TTC7B: variants seen among roughly 807,000 people sequenced by gnomAD.
TTC7B encodes tetratricopeptide repeat protein 7B.
TTC7B carries 28 observed loss-of-function variants against 106.8 expected under a neutral mutation model. The observed-to-expected ratio is 0.26, with a 90% CI of 0.19 to 0.36. The LOEUF is 0.36. Ranked by LOEUF, TTC7B falls within the 10% of genes least tolerant of loss-of-function variation. The pLI is 1.00. For missense variants in TTC7B, 862 were observed against 1,076.4 expected (o/e 0.80, Z 2.79); for synonymous variants, 405 against 430.6 (o/e 0.94, Z 0.74).
intron 17 of TTC7B, among the ~76,000 whole-genome samples, chr14:90,609,912 G>A (rs890145060): frequency 6.6e-6 from 1 of 152,162 alleles, no homozygotes; most frequent in African/African-American, 2.4e-5. Context: ...AACACAAGTG[G>A]AAAATTCCAC....
intron 15 of TTC7B, among the ~76,000 whole-genome samples, chr14:90,629,904 G>GA (rs1397896239): frequency 1.3e-5 from 2 of 151,696 alleles, no homozygotes; most frequent in East Asian, 1.9e-4. Flanking sequence ...AGCATCTTTG[G>GA]AAAAAAAACT....
chr14:90,700,205 C>A (rs1238440253), intron 5 of TTC7B, among the ~76,000 whole-genome samples: 1 of 152,134 alleles, frequency 6.6e-6, no homozygotes, highest in Non-Finnish European at 1.5e-5. Context: ...GCATGCCCAG[C>A]CTAGCAGTTT....
intron 4 of TTC7B, among the ~76,000 whole-genome samples, chr14:90,743,434 T>G (rs1201576902): frequency 6.6e-6 from 1 of 152,212 alleles, no homozygotes; most frequent in Non-Finnish European, 1.5e-5. Flanking sequence ...TGGCAGTCTC[T>G]CTCTATTCTA....
At chr14:90,769,827 A>G (rs1890802951) in intron 3 of TTC7B, among the ~76,000 whole-genome samples, 1 of 152,184 alleles carries the variant, frequency 6.6e-6, no homozygotes, top group South Asian at 2.1e-4. Flanking sequence ...AGGGATGGCT[A>G]TACTGATATC....
intron 15 of TTC7B, among the ~76,000 whole-genome samples, chr14:90,626,113 G>A (rs1343562626): frequency 1.3e-5 from 2 of 152,060 alleles, no homozygotes; most frequent in African/African-American, 2.4e-5. Context: ...AAGAAGCACC[G>A]CTCTCATTCA....
intron 3 of TTC7B, among the ~76,000 whole-genome samples, chr14:90,775,685 G>T (rs1891004855): frequency 6.6e-6 from 1 of 152,000 alleles, no homozygotes; most frequent in Non-Finnish European, 1.5e-5. Context: ...CCCACATCTT[G>T]GTCCTGGATT....
rs191146758 is a variant in TTC7B at position 90,610,040 on chromosome 14, A to G, written c.1966+702T>C. Among the ~76,000 whole-genome samples, 423 of 152,376 alleles carry G rather than the reference A, an allele frequency of 2.8e-3. 1 individual carries two copies. The highest frequency in any genetic ancestry group is 9.8e-3 in the African/African-American group (408 of 41,592). On this transcript the variant is annotated intron_variant, in intron 17 of 19. Transcript: ENST00000328459. Reference sequence around the variant, plus strand: ...ATTTAGGCTGTGTGTATAGGTGTATATGAAACAGAAATGGACTTTGTGTTT... The same window carrying G: ...ATTTAGGCTGTGTGTATAGGTGTATGTGAAACAGAAATGGACTTTGTGTTT...
At chr14:90,721,291 C>T (rs1326630433) in intron 5 of TTC7B, among the ~76,000 whole-genome samples, 1 of 152,196 alleles carries the variant, frequency 6.6e-6, no homozygotes, top group Non-Finnish European at 1.5e-5. Flanking sequence ...CTAACCCTCA[C>T]TAAGTGCTAG....
At position 90,535,670 on chromosome 14, in the gene TTC7B, T is replaced by TC. The variant is rs1446332968; in HGVS notation, c.*5697dup. The TC allele has an allele frequency of 6.6e-6, 1 of 152,290 alleles. No homozygotes were observed. Among genetic ancestry groups the TC allele is most frequent in the Non-Finnish European group, 1.5e-5 (1 of 68,122 alleles). The allele number at this position is 152,290 out of a possible 1,614,324, so 9.4% of individuals were successfully genotyped here. On this transcript the variant is annotated 3_prime_UTR_variant, in exon 20 of 20. Transcript: ENST00000328459. ...TCTTGAAAGAGACTTCACCTTTTCC[T>TC]CCCCCTTGAGCCCACTCCAACCTGG...
At chr14:90,792,296 G>C (rs890012036) in intron 1 of TTC7B, among the ~76,000 whole-genome samples, 1 of 152,178 alleles carries the variant, frequency 6.6e-6, no homozygotes, top group Non-Finnish European at 1.5e-5. Flanking sequence ...GCAACTGGGG[G>C]CAGGGTGCGG....
chr14:90,740,655 C>T (rs986235250), intron 4 of TTC7B, among the ~76,000 whole-genome samples: 1 of 152,008 alleles, frequency 6.6e-6, no homozygotes, highest in Admixed American at 6.6e-5. Context: ...GCTCCTGCCA[C>T]CATGCCTGGC....
chr14:90,698,619 T>G (rs1294983789), intron 5 of TTC7B: 1 of 152,440 alleles, frequency 6.6e-6, no homozygotes, highest in African/African-American at 2.4e-5. Flanking sequence ...GCGGGCACTC[T>G]GGCAAGCTGT....
intron 19 of TTC7B, among the ~76,000 whole-genome samples, chr14:90,549,980 G>A (rs1284855545): frequency 6.6e-6 from 1 of 152,130 alleles, no homozygotes; most frequent in Admixed American, 6.6e-5. Flanking sequence ...GACTCGCTGT[G>A]CAATAAGATA....
At chr14:90,720,015 T>C (rs1421145459) in intron 5 of TTC7B, among the ~76,000 whole-genome samples, 1 of 147,320 alleles carries the variant, frequency 6.8e-6, no homozygotes, top group Non-Finnish European at 1.5e-5. Context: ...ATGAGATTTA[T>C]GCACAGACCT....
chr14:90,557,682 C>T (rs937867338), intron 19 of TTC7B, among the ~76,000 whole-genome samples: 1 of 152,256 alleles, frequency 6.6e-6, no homozygotes, highest in African/African-American at 2.4e-5. Flanking sequence ...AGCCCTGGAA[C>T]CCCATTCCCT....
chr14:90,578,877 T>C lies in TTC7B; in HGVS notation c.2108-569A>G, dbSNP rs1191836939. 6.6e-6 allele frequency among the ~76,000 whole-genome samples: 1 copy of C among 152,088 alleles called. No individual in the cohort carries two copies. Among genetic ancestry groups the C allele is most frequent in the Non-Finnish European group, 1.5e-5 (1 of 68,016 alleles). ...TGAGCTCACCTCTGACCAGGGGAAG[T>C]TGATGCACCCTGTAAACTCTTATCT... On this transcript the variant is annotated intron_variant, in intron 18 of 19. Coordinates refer to ENST00000328459, the MANE Select transcript of TTC7B (RefSeq NM_001010854.2). The surrounding 1 kb of genome is among the most constrained non-coding windows in gnomAD (Gnocchi z 4.7).
At chr14:90,658,897 C>T (rs1343239024) in intron 9 of TTC7B, among the ~76,000 whole-genome samples, 1 of 152,194 alleles carries the variant, frequency 6.6e-6, no homozygotes, top group Non-Finnish European at 1.5e-5. Flanking sequence ...AACGGACTTC[C>T]CTCTCAGTCA....
Position 90,533,944 on chromosome 14 carries a change from C to A in TTC7B, c.*7424G>T, listed in dbSNP as rs1000085598. On this transcript the variant is annotated 3_prime_UTR_variant, in exon 20 of 20. Transcript: ENST00000328459. The stretch of plus-strand genomic sequence containing the variant: ...GTGTGGTGGTCCTGAGGGGCGGTAG[C>A]CCTCGTGTCCCCTACCTGGCACACA... 8 of 152,406 alleles carry A rather than the reference C, an allele frequency of 5.2e-5. No homozygotes were observed. The highest frequency in any genetic ancestry group is 1.0e-4 in the Non-Finnish European group (7 of 68,170). The allele number at this position is 152,406 out of a possible 1,614,324, so 9.4% of individuals were successfully genotyped here. A position where few individuals can be genotyped will look rare whatever the true frequency, so the allele number is the denominator to read the frequency against.
At position 90,763,794 on chromosome 14, in the gene TTC7B, A is replaced by C. The variant is rs564749201; in HGVS notation, c.445+16944T>G. Among the ~76,000 whole-genome samples, 4 of 152,340 alleles carry C rather than the reference A, an allele frequency of 2.6e-5. No individual in the cohort carries two copies. In the East Asian group the frequency reaches 7.7e-4, roughly 29 times the overall value. ...CTCTTAGAATAAATTTAACAAAAGG[A>C]ATGTAAGACTTGAATGCCAAAAAAA... On this transcript the variant is annotated intron_variant, in intron 3 of 19. Transcript: ENST00000328459.
Sources: allele counts gnomAD v4.1 joint callset (sites outside exome capture counted in the v4.1 genomes callset), GRCh38; gene constraint gnomAD v4.1.1; non-coding constraint Gnocchi (gnomAD v3.1); transcripts MANE v1.5; gene names NCBI Gene and HGNC (gene_info 2026-07-23, HGNC 2026-07-21).